NWD1: variants seen among roughly 807,000 people sequenced by gnomAD.
The protein encoded by NWD1 is NACHT domain- and WD repeat-containing protein 1.
NWD1 carries 129 observed loss-of-function variants against 135.1 expected under a neutral mutation model. The ratio of observed to expected loss-of-function variants is 0.96; its 90% CI spans 0.83 to 1.11. NWD1 has a LOEUF of 1.11. NWD1 is among the 50% of genes least tolerant of loss of function. NWD1 has a pLI of 0.00. For synonymous variants in NWD1, 773 were observed against 786.0 expected, an observed-to-expected ratio of 0.98 and a Z score of 0.28; for missense variants, 1,740 against 1,851.3, an observed-to-expected ratio of 0.94 and a Z score of 1.10.
intron 8 of NWD1, among the ~76,000 whole-genome samples, chr19:16,763,027 G>T (rs1969082335): frequency 6.6e-6 from 1 of 151,952 alleles, no homozygotes; most frequent in Non-Finnish European, 1.5e-5. Flanking sequence ...CAAGTGATCT[G>T]CCTTGGCCTC....
intron 5 of NWD1, chr19:16,745,128 C>T (rs1239543984): frequency 6.5e-6 from 3 of 458,358 alleles, no homozygotes; most frequent in East Asian, 6.8e-5. Flanking sequence ...AGCAAAGAGG[C>T]ACATCTTACA....
chr19:16,794,417 C>T, intron 14 of NWD1, 46 bp from the exon 15 acceptor site: 4 of 1,110,950 alleles, frequency 3.6e-6, no homozygotes, highest in Non-Finnish European at 5.5e-6. Context: ...GACTTGTAAC[C>T]CTTAACCCGT....
At chr19:16,806,031 C>T (rs1970737223) in intron 17 of NWD1, among the ~76,000 whole-genome samples, 1 of 152,066 alleles carries the variant, frequency 6.6e-6, no homozygotes, top group Non-Finnish European at 1.5e-5. Flanking sequence ...TGCCACCACG[C>T]CTGGTTAATT....
chr19:16,814,966 G>A lies in NWD1; in HGVS notation c.4288-62G>A, dbSNP rs895296789. ...TATTCCATGCAGCCAACTCTGGAAT[G>A]TGTAGGATTGGACCTCTACACCCCA... On this transcript the variant is annotated intron_variant, in intron 18 of 18. Transcript: ENST00000524140. 45 of 1,488,316 alleles carry A rather than the reference G, an allele frequency of 3.0e-5. No individual in the cohort carries two copies. The African/African-American group carries it at 5.1e-4, about 17-fold the overall frequency. 92.2% of individuals were successfully genotyped at this position (1,488,316 alleles called of 1,614,324 possible).
chr19:16,747,331 G>A (rs1048725414), intron 5 of NWD1, among the ~76,000 whole-genome samples: 1 of 149,104 alleles, frequency 6.7e-6, no homozygotes, highest in African/African-American at 2.5e-5. Flanking sequence ...ACCCGCGCCT[G>A]GCTGACATTT....
rs563714206 is a variant in NWD1, at chr19:16,734,562, T to A, written c.82-2072T>A. The stretch of plus-strand genomic sequence containing the variant: ...AAAAAAAAAAAAGATTTTCTTTCTT[T>A]TTTTTTTTCTTTTTTCTTTTTCTGT... On this transcript the variant is annotated intron_variant, in intron 3 of 18. Coordinates refer to ENST00000524140, the MANE Select transcript of NWD1 (RefSeq NM_001007525.5). Among the ~76,000 whole-genome samples, 5 of 150,040 alleles carry A rather than the reference T, an allele frequency of 3.3e-5. No individual in the cohort carries two copies. In the East Asian group the frequency reaches 5.8e-4, roughly 18 times the overall value.
intron 12 of NWD1, among the ~76,000 whole-genome samples, chr19:16,783,715 A>G (rs1309944346): frequency 6.6e-6 from 1 of 151,132 alleles, no homozygotes; most frequent in African/African-American, 2.4e-5. Flanking sequence ...AATAAAATTT[A>G]AGACCCTGTC....
chr19:16,811,930 C>A (rs1036512938), intron 18 of NWD1, among the ~76,000 whole-genome samples: 1 of 152,118 alleles, frequency 6.6e-6, no homozygotes, highest in Admixed American at 6.6e-5. Flanking sequence ...GCAGAGGAAT[C>A]GCTTAAACCC....
At chr19:16,734,093 G>A (rs1298937418) in intron 3 of NWD1, among the ~76,000 whole-genome samples, 1 of 152,062 alleles carries the variant, frequency 6.6e-6, no homozygotes, top group Non-Finnish European at 1.5e-5. Context: ...ATGGCGAGCA[G>A]GCACAAATGA....
In NWD1 at chr19:16,719,911, G is replaced by C. The variant is rs1342020694; in HGVS notation, c.-487G>C. The stretch of plus-strand genomic sequence containing the variant: ...ACCTAAGACGAAAGTTACTAGGATA[G>C]CCAGGGGCTTGTCTTCCGGGTGGCG... On this transcript the variant is annotated 5_prime_UTR_variant, in exon 1 of 19. Coordinates refer to ENST00000524140, the MANE Select transcript of NWD1 (RefSeq NM_001007525.5). 6.6e-6 allele frequency: 1 copy of C among 152,206 alleles called. No individual in the cohort carries two copies. The highest frequency in any genetic ancestry group is 1.5e-5 in the Non-Finnish European group (1 of 68,068). The allele number at this position is 152,206 out of a possible 1,614,324, so 9.4% of individuals were successfully genotyped here.
intron 2 of NWD1, chr19:16,727,502 C>G (rs1011149543): frequency 7.2e-5 from 11 of 152,756 alleles, no homozygotes; most frequent in African/African-American, 2.4e-4. Flanking sequence ...GGCGTGAGGT[C>G]TCTGAGCCCC....
rs1404590022 is a variant in NWD1, at chr19:16,797,869, C to A, written c.3442C>A (p.Leu1148Ile). 6.2e-7 allele frequency: 1 copy of A among 1,613,758 alleles called. No individual in the cohort carries two copies. The highest frequency in any genetic ancestry group is 8.5e-7 in the Non-Finnish European group (1 of 1,179,828). Residue 1148 changes from leucine to isoleucine, a missense_variant, in exon 16 of 19, where the codon CTT becomes ATT. Physicochemically the swap from Leu to Ile is conservative, Grantham distance 5. Transcript: ENST00000524140. ...TENNLIITGS[L>I]DALIQVWSLS... is the part of the protein sequence containing the mutation. ...GAACAACCTGATCATCACGGGGTCC[C>A]TTGATGCGCTCATTCAGGTGAGGGG...
At position 16,814,896 on chromosome 19, in the gene NWD1, T is replaced by C. The variant is rs559447219; in HGVS notation, c.4288-132T>C. The C allele has an allele frequency of 5.6e-6, 4 of 717,440 alleles. No individual in the cohort carries two copies. In the East Asian group the frequency reaches 7.7e-5, roughly 14 times the overall value. The allele number at this position is 717,440 out of a possible 1,614,324, so 44.4% of individuals were successfully genotyped here. On this transcript the variant is annotated intron_variant, in intron 18 of 18. Coordinates refer to ENST00000524140, the MANE Select transcript of NWD1 (RefSeq NM_001007525.5). ...ATAAAGGAAGAGGGACTCTTTGGCATAATAAATGTCATGCCAAAATTAGTA... is the reference window on the plus strand; with the variant it reads ...ATAAAGGAAGAGGGACTCTTTGGCACAATAAATGTCATGCCAAAATTAGTA...
chr19:16,722,902 A>G (rs933148931), intron 1 of NWD1, among the ~76,000 whole-genome samples: 1 of 151,982 alleles, frequency 6.6e-6, no homozygotes. Flanking sequence ...GGCTCAGGAG[A>G]GCTTTCCTAG....
chr19:16,787,689 A>C (rs1398641465), intron 12 of NWD1, among the ~76,000 whole-genome samples: 1 of 147,462 alleles, frequency 6.8e-6, no homozygotes, highest in Non-Finnish European at 1.5e-5. Flanking sequence ...GTGAAACCCC[A>C]TCTCTACTAA....
At chr19:16,787,579 G>A (rs138879381) in intron 12 of NWD1, among the ~76,000 whole-genome samples, 22 of 152,242 alleles carry the variant, frequency 1.4e-4, no homozygotes, top group African/African-American at 2.9e-4. Flanking sequence ...GTAAAAAGAG[G>A]CTGGGCACAG....
chr19:16,794,401 A>G (rs1970350330), intron 14 of NWD1, 62 bp from the exon 15 acceptor site: 2 of 908,688 alleles, frequency 2.2e-6, no homozygotes, highest in African/African-American at 3.4e-5. Context: ...AAATTAAAAA[A>G]TTCCAGACTT....
Position 16,728,879 on chromosome 19 carries a change from G to A in NWD1, c.-6-2313G>A, listed in dbSNP as rs568918132. On this transcript the variant is annotated intron_variant, in intron 2 of 18. Coordinates refer to ENST00000524140, the MANE Select transcript of NWD1 (RefSeq NM_001007525.5). ...GAATGGCGTGAACCCAGGAGGCGGA[G>A]CTTGCAGCGAGCCGAGATCATGCCA... 8.4e-4 allele frequency among the ~76,000 whole-genome samples: 126 copies of A among 149,648 alleles called. 1 individual carries two copies. Among genetic ancestry groups the A allele is most frequent in the Non-Finnish European group, 5.8e-4 (39 of 67,662 alleles).
At chr19:16,762,535 C>T (rs754074143) in intron 8 of NWD1, among the ~76,000 whole-genome samples, 8 of 150,996 alleles carry the variant, frequency 5.3e-5, no homozygotes, top group Non-Finnish European at 1.0e-4. Flanking sequence ...GCCTGGGCAA[C>T]AGAGAGAAAC....
Sources: allele counts gnomAD v4.1 joint callset (sites outside exome capture counted in the v4.1 genomes callset), GRCh38; gene constraint gnomAD v4.1.1; transcripts MANE v1.5; gene names NCBI Gene and HGNC (gene_info 2026-07-23, HGNC 2026-07-21).